Variants in VEPH1 observed in about 807,000 individuals in gnomAD.
VEPH1 encodes ventricular zone-expressed PH domain-containing protein homolog 1.
In VEPH1, 80 loss-of-function variants were observed where a neutral mutation model predicts 85.2. The observed-to-expected ratio is 0.94, with a 90% CI of 0.78 to 1.13. The LOEUF (loss-of-function observed/expected upper bound fraction) is 1.13, where lower values mean the gene tolerates loss of function less well. VEPH1 is among the 50% of genes most tolerant of loss of function. The pLI, the probability that VEPH1 is intolerant of heterozygous loss-of-function variation, is 0.00. For missense variants in VEPH1, 955 were observed against 980.5 expected (o/e 0.97, Z 0.35); for synonymous variants, 297 against 348.0 (o/e 0.85, Z 1.63).
In VEPH1 at chr3:157,261,375, A is replaced by G; in HGVS notation, c.2266-5T>C. ...GCAGTCGTCAGGGTCATCTTTCTGAAAGGCATGGGAAGAAAAGAACATGGG... is the reference window on the plus strand; with the variant it reads ...GCAGTCGTCAGGGTCATCTTTCTGAGAGGCATGGGAAGAAAAGAACATGGG... On this transcript the variant is annotated splice_region_variant and splice_polypyrimidine_tract_variant and intron_variant, in intron 13 of 13. Transcript: ENST00000362010. The G allele has an allele frequency of 6.2e-7, 1 of 1,612,654 alleles. No individual in the cohort carries two copies. Among genetic ancestry groups the G allele is most frequent in the South Asian group, 1.1e-5 (1 of 90,954 alleles).
At chr3:157,474,064 T>C (rs2109504340) in intron 2 of VEPH1, among the ~76,000 whole-genome samples, 1 of 152,296 alleles carries the variant, frequency 6.6e-6, no homozygotes, top group South Asian at 2.1e-4. Flanking sequence ...TATTTGGTCT[T>C]ATGTTTGTCA....
At position 157,414,094 on chromosome 3, in the gene VEPH1, TA is replaced by T; in HGVS notation, c.697-5del. ...AAGGAATACACTTCTGAACTACCTA[TA>T]AAGAGAGAGGAGAGGAGGAGGGAAG... On this transcript the variant is annotated splice_polypyrimidine_tract_variant and splice_region_variant and intron_variant, in intron 5 of 13. Coordinates refer to ENST00000362010, the MANE Select transcript of VEPH1 (RefSeq NM_001167912.2). 1.3e-6 allele frequency: 2 copies of T among 1,595,846 alleles called. No homozygotes were observed. The highest frequency in any genetic ancestry group is 1.7e-6 in the Non-Finnish European group (2 of 1,165,736).
At chr3:157,300,587 C>T (rs1055620252) in intron 11 of VEPH1, among the ~76,000 whole-genome samples, 40 of 151,852 alleles carry the variant, frequency 2.6e-4, no homozygotes, top group Admixed American at 1.0e-3. Flanking sequence ...TAGAGAGTTA[C>T]GAATAGTGTA....
At chr3:157,446,149 G>A (rs1273693765) in intron 4 of VEPH1, among the ~76,000 whole-genome samples, 1 of 151,804 alleles carries the variant, frequency 6.6e-6, no homozygotes, top group East Asian at 1.9e-4. Context: ...CAAGCTATTA[G>A]GAGGAAAGAT....
At chr3:157,299,423 G>T (rs1718498716) in intron 11 of VEPH1, among the ~76,000 whole-genome samples, 1 of 151,790 alleles carries the variant, frequency 6.6e-6, no homozygotes, top group Non-Finnish European at 1.5e-5. Context: ...AGCCAGGTGT[G>T]GTGTTGGGCG....
intron 7 of VEPH1, among the ~76,000 whole-genome samples, chr3:157,371,646 A>G (rs895529593): frequency 3.9e-5 from 6 of 152,224 alleles, no homozygotes; most frequent in Admixed American, 3.9e-4. Flanking sequence ...GGCCCAGACA[A>G]TGAAATAAGA....
intron 1 of VEPH1, among the ~76,000 whole-genome samples, chr3:157,495,906 T>C (rs890328466): frequency 1.3e-5 from 2 of 152,132 alleles, no homozygotes; most frequent in Admixed American, 6.5e-5. Flanking sequence ...AGGAAACATC[T>C]CCTAGACCCA....
intron 3 of VEPH1, among the ~76,000 whole-genome samples, chr3:157,468,305 C>T (rs1258344002): frequency 1.3e-5 from 2 of 152,136 alleles, no homozygotes; most frequent in Non-Finnish European, 2.9e-5. Context: ...TAGTGATGCA[C>T]TAAAATGCAC....
At chr3:157,494,559 G>A (rs1211237614) in intron 2 of VEPH1, among the ~76,000 whole-genome samples, 2 of 152,186 alleles carry the variant, frequency 1.3e-5, no homozygotes, top group African/African-American at 4.8e-5. Context: ...ATTGATGGGA[G>A]GTTTTACATC....
chr3:157,298,243 A>C (rs1718365496), intron 11 of VEPH1, among the ~76,000 whole-genome samples: 1 of 152,218 alleles, frequency 6.6e-6, no homozygotes, highest in African/African-American at 2.4e-5. Context: ...TCCTAGTTAT[A>C]GATGAAGAAA....
intron 9 of VEPH1, among the ~76,000 whole-genome samples, chr3:157,356,271 C>T (rs528872788): frequency 3.9e-5 from 6 of 152,250 alleles, no homozygotes; most frequent in African/African-American, 1.4e-4. Context: ...TATAATTTTT[C>T]ACCAGTCCCT....
Position 157,438,035 on chromosome 3 carries a change from G to A in VEPH1, c.530-9547C>T, listed in dbSNP as rs866031416. The stretch of plus-strand genomic sequence containing the variant: ...TTTCATGGGAAGCGCGCGCGCGCGC[G>A]CGCACACACACACACACACACACAC... On this transcript the variant is annotated intron_variant, in intron 4 of 13. Transcript: ENST00000362010. The A allele has an allele frequency of 5.2e-3, 3,612 of 701,126 alleles. 66 individuals are homozygous for A. In the African/African-American group the frequency reaches 0.084, roughly 16 times the overall value. The allele number at this position is 701,126 out of a possible 1,614,324, so 43.4% of individuals were successfully genotyped here.
At chr3:157,316,927 A>T in intron 10 of VEPH1, 135 bp downstream of exon 10, 1 of 869,430 alleles carries the variant, frequency 1.2e-6, no homozygotes, top group Non-Finnish European at 1.6e-6. Flanking sequence ...CCGAGGTTAA[A>T]GTTATTAATG....
At chr3:157,458,525 C>T (rs1735564082) in intron 4 of VEPH1, among the ~76,000 whole-genome samples, 1 of 152,116 alleles carries the variant, frequency 6.6e-6, no homozygotes, top group Non-Finnish European at 1.5e-5. Flanking sequence ...GGATATTAGA[C>T]CTTTTTCAGA....
intron 2 of VEPH1, among the ~76,000 whole-genome samples, chr3:157,484,101 C>T (rs1435648658): frequency 5.3e-5 from 8 of 151,848 alleles, no homozygotes; most frequent in South Asian, 4.1e-4. Context: ...AAAGTAGATT[C>T]GGTATAAAGA....
intron 6 of VEPH1, among the ~76,000 whole-genome samples, chr3:157,409,304 T>C (rs1731361765): frequency 6.6e-6 from 1 of 152,270 alleles, no homozygotes; most frequent in African/African-American, 2.4e-5. Context: ...TACTATTTCT[T>C]ATTTATGAAT....
chr3:157,280,014 C>CAA (rs369384376), intron 12 of VEPH1, among the ~76,000 whole-genome samples: 26,652 of 109,696 alleles, frequency 0.24, 3,241 homozygotes, highest in Non-Finnish European at 0.29. Flanking sequence ...GACTCTGTTT[C>CAA]AAAAAAAAAA....
In VEPH1 at chr3:157,302,953, CTCG is replaced by C. The variant is rs534898799; in HGVS notation, c.2010+10665_2010+10667del. Among the ~76,000 whole-genome samples the C allele has an allele frequency of 1.7e-3, 256 of 152,262 alleles. 2 individuals are homozygous for C. In the Middle Eastern group the frequency reaches 0.017, roughly 10 times the overall value. On this transcript the variant is annotated intron_variant, in intron 11 of 13. Coordinates refer to ENST00000362010, the MANE Select transcript of VEPH1 (RefSeq NM_001167912.2). ...ACTTTCATTTCTATTTATTTTTCAT[CTCG>C]TCCTTTAAAATTTCTATTTTTCAAT...
chr3:157,261,500 G>C (rs1240706778), intron 13 of VEPH1, 130 bp from the exon 14 acceptor site: 13 of 1,414,912 alleles, frequency 9.2e-6, no homozygotes, highest in Middle Eastern at 2.6e-4. Flanking sequence ...TGTTATTTTG[G>C]GTGCTAAGGC....
Sources: gnomAD v4.1 joint callset for allele counts (sites outside exome capture counted in the v4.1 genomes callset) on GRCh38, gnomAD v4.1.1 for gene constraint, MANE v1.5 for transcripts, NCBI Gene and HGNC (gene_info 2026-07-23, HGNC 2026-07-21) for gene names.